Variants in LRP8 observed in about 807,000 individuals in gnomAD.
The protein encoded by LRP8 is low-density lipoprotein receptor-related protein 8.
Under a neutral mutation model 111.6 loss-of-function variants are expected in LRP8, and 46 were observed. The observed-to-expected ratio is 0.41, with a 90% confidence interval of 0.33 to 0.53. The LOEUF (loss-of-function observed/expected upper bound fraction) is 0.53. Ranked by LOEUF, LRP8 falls within the 20% of genes least tolerant of loss-of-function variation. The pLI is 0.20. For synonymous variants in LRP8, 464 were observed against 511.2 expected (o/e 0.91, Z 1.24); for missense variants, 959 against 1,297.4 (o/e 0.74, Z 4.01).
intron 6 of LRP8, among the ~76,000 whole-genome samples, chr1:53,273,151 T>C (rs1331483588): frequency 6.6e-6 from 1 of 152,142 alleles, no homozygotes; most frequent in Admixed American, 6.5e-5. Flanking sequence ...TTCTTAATTC[T>C]ACCTAGCCTG....
chr1:53,308,775 A>G (rs1359417791), intron 2 of LRP8, among the ~76,000 whole-genome samples: 1 of 152,152 alleles, frequency 6.6e-6, no homozygotes, highest in South Asian at 2.1e-4. Flanking sequence ...CTGCAACTCC[A>G]ATTCCAAAGG....
At position 53,243,831 on chromosome 1, in the gene LRP8, C is replaced by G. The variant is rs1645681988; in HGVS notation, c.*3187G>C. 6.6e-6 allele frequency: 1 copy of G among 152,202 alleles called. No individual in the cohort carries two copies. The highest frequency in any genetic ancestry group is 1.5e-5 in the Non-Finnish European group (1 of 68,048). The allele number at this position is 152,202 out of a possible 1,614,324, so 9.4% of individuals were successfully genotyped here. ...GAAAGACCCCTCTCTCCTTTGAGCC[C>G]TAACAGTGCTCTGAATAGAATCAAT... On this transcript the variant is annotated 3_prime_UTR_variant, in exon 19 of 19. Transcript: ENST00000306052.
intron 1 of LRP8, chr1:53,327,430 C>A (rs1335449359): frequency 3.8e-6 from 1 of 265,776 alleles, no homozygotes; most frequent in East Asian, 8.1e-5. Flanking sequence ...GGAGAAGCCG[C>A]CCGGCTCTGC....
At chr1:53,327,544 TG>T in intron 1 of LRP8, 1 of 465,162 alleles carries the variant, frequency 2.1e-6, no homozygotes, top group Non-Finnish European at 3.4e-6. Context: ...AGTTCCCCGC[TG>T]GCCAAGCCCC....
chr1:53,327,477 C>T (rs1557881598), intron 1 of LRP8: 4 of 297,658 alleles, frequency 1.3e-5, no homozygotes, highest in African/African-American at 2.2e-5. Flanking sequence ...CAAATAAACC[C>T]CAACGGCGAG....
chr1:53,247,259 A>C (rs1288351521), intron 18 of LRP8, among the ~76,000 whole-genome samples: 1 of 152,252 alleles, frequency 6.6e-6, no homozygotes, highest in Non-Finnish European at 1.5e-5. Context: ...GTTCTGGATC[A>C]CATAGCAAGT....
intron 2 of LRP8, among the ~76,000 whole-genome samples, chr1:53,300,686 A>G (rs1369154201): frequency 1.3e-5 from 2 of 152,196 alleles, no homozygotes; most frequent in Non-Finnish European, 2.9e-5. Context: ...CACTGTCATA[A>G]AGCAGGGCTC....
intron 2 of LRP8, among the ~76,000 whole-genome samples, chr1:53,306,630 G>A (rs1652021417): frequency 6.6e-6 from 1 of 152,198 alleles, no homozygotes; most frequent in African/African-American, 2.4e-5. Context: ...TCACTGCCAT[G>A]AGCCATGTGT....
chr1:53,255,884 AAAT>A (rs1646068063), intron 15 of LRP8, among the ~76,000 whole-genome samples: 3 of 152,244 alleles, frequency 2.0e-5, no homozygotes, highest in Non-Finnish European at 2.9e-5. Flanking sequence ...AATTTATCTA[AAAT>A]GAATATAAAA....
In LRP8 at chr1:53,243,778, GA is replaced by G. The variant is rs1645681716; in HGVS notation, c.*3239del. 6.6e-6 allele frequency: 1 copy of G among 152,190 alleles called. No individual in the cohort carries two copies. Among genetic ancestry groups the G allele is most frequent in the Non-Finnish European group, 1.5e-5 (1 of 68,034 alleles). The allele number at this position is 152,190 out of a possible 1,614,324, so 9.4% of individuals were successfully genotyped here. ...TTTTAAGACTTAAGGTCACTTCTAT[GA>G]TGACCCTATTCCTCATTTCTTAGGT... is the stretch of plus-strand genomic sequence containing the variant. On this transcript the variant is annotated 3_prime_UTR_variant, in exon 19 of 19. Transcript: ENST00000306052.
intron 3 of LRP8, among the ~76,000 whole-genome samples, chr1:53,286,765 C>G (rs72895344): frequency 0.012 from 1,768 of 152,360 alleles, 28 homozygotes; most frequent in African/African-American, 0.04. Context: ...CAATGCAACT[C>G]CCTTCACTGA....
At chr1:53,251,410 C>T (rs781352510) in intron 16 of LRP8, among the ~76,000 whole-genome samples, 15 of 151,944 alleles carry the variant, frequency 9.9e-5, no homozygotes, top group Admixed American at 4.6e-4. Flanking sequence ...TGAGGCTCCA[C>T]CTGAAGAAGA....
Position 53,275,568 on chromosome 1 carries a change from G to GA in LRP8, c.1006+62dup. ...AAACTCCTCCCAACTCTGCCCTCTG[G>GA]AGAGTTACCAGAGCCTAGGGCATCC... On this transcript the variant is annotated intron_variant, in intron 6 of 18. Coordinates refer to ENST00000306052, the MANE Select transcript of LRP8 (RefSeq NM_004631.5). The surrounding 1 kb of genome is among the most constrained non-coding windows in gnomAD (Gnocchi z 4.4). 6.3e-7 allele frequency: 1 copy of GA among 1,594,314 alleles called. No individual in the cohort carries two copies. The highest frequency in any genetic ancestry group is 8.6e-7 in the Non-Finnish European group (1 of 1,165,962).
rs574206727 is a variant in LRP8, at chr1:53,309,573, G to A, written c.244+17300C>T. Among the ~76,000 whole-genome samples, 11 of 152,302 alleles carry A rather than the reference G, an allele frequency of 7.2e-5. No homozygotes were observed. The East Asian group carries it at 1.9e-3, about 27-fold the overall frequency. ...CCCCTTGAAGGATCCAGAGAGCCAC[G>A]GTGAGGGGAGAGGTCAGGCTGCGGG... is the stretch of plus-strand genomic sequence containing the variant. On this transcript the variant is annotated intron_variant, in intron 2 of 18. Transcript: ENST00000306052.
In LRP8 at chr1:53,262,183, C is replaced by T. The variant is rs148248904; in HGVS notation, c.1799G>A (p.Trp600Ter). ...TLDLLSQRLYWVDSKLHQLSS... is the reference protein window; with the variant it reads ...TLDLLSQRLY Reference sequence around the variant, plus strand: ...CAGTTGGTGTAGCTTGGAGTCTACCCAGTACAAGCGCTGGCTCAGCAGATC... The same window carrying T: ...CAGTTGGTGTAGCTTGGAGTCTACCTAGTACAAGCGCTGGCTCAGCAGATC... Residue 600 changes from tryptophan to a stop codon, truncating the protein, a stop_gained, in exon 12 of 19, where the codon TGG becomes TAG. Coordinates refer to ENST00000306052, the MANE Select transcript of LRP8 (RefSeq NM_004631.5). LOFTEE classifies it high-confidence loss of function. This position sits in a 1 kb window ranked among gnomAD's most constrained non-coding sequence, Gnocchi z 4.8. The T allele has an allele frequency of 6.2e-7, 1 of 1,613,606 alleles. No homozygotes were observed. Among genetic ancestry groups the T allele is most frequent in the African/African-American group, 1.3e-5 (1 of 74,900 alleles).
intron 2 of LRP8, among the ~76,000 whole-genome samples, chr1:53,316,202 A>G (rs1421036141): frequency 6.6e-6 from 1 of 152,188 alleles, no homozygotes; most frequent in Non-Finnish European, 1.5e-5. Flanking sequence ...GGGCCTCCCA[A>G]CCAGGAAGTG....
At chr1:53,315,691 TG>T (rs1200319590) in intron 2 of LRP8, among the ~76,000 whole-genome samples, 2 of 152,152 alleles carry the variant, frequency 1.3e-5, no homozygotes, top group African/African-American at 4.8e-5. Context: ...CAAATGGGCC[TG>T]GAAGGGGCTG....
chr1:53,264,550 T>C (rs1646478279), intron 9 of LRP8, among the ~76,000 whole-genome samples, 154 bp from the exon 10 acceptor site: 1 of 152,128 alleles, frequency 6.6e-6, no homozygotes. Context: ...TTCCCTGGGG[T>C]ACCAGGGTAG....
intron 8 of LRP8, among the ~76,000 whole-genome samples, chr1:53,269,485 TAA>T (rs1252546601): frequency 6.6e-6 from 1 of 152,018 alleles, no homozygotes; most frequent in African/African-American, 2.4e-5. Flanking sequence ...GGCTAGTTTT[TAA>T]ATTTTTTTTT....
Sources: gnomAD v4.1 joint callset for allele counts (sites outside exome capture counted in the v4.1 genomes callset) on GRCh38, gnomAD v4.1.1 for gene constraint, Gnocchi (gnomAD v3.1) non-coding constraint, MANE v1.5 for transcripts, NCBI Gene and HGNC (gene_info 2026-07-23, HGNC 2026-07-21) for gene names.